Variants in ZNF704 observed in about 807,000 individuals in gnomAD.
The protein encoded by ZNF704 is zinc finger protein 704, also known as glucocorticoid induced gene 1.
A neutral mutation model predicts 44.7 loss-of-function variants in ZNF704; 10 were observed. The observed-to-expected ratio is 0.22, with a 90% CI of 0.14 to 0.38. The LOEUF (loss-of-function observed/expected upper bound fraction) is 0.38, where lower values mean the gene tolerates loss of function less well. Ranked by LOEUF, ZNF704 falls within the 10% of genes least tolerant of loss-of-function variation. The pLI is 1.00. For synonymous variants in ZNF704, 211 were observed against 207.6 expected (o/e 1.02, Z -0.14); for missense variants, 390 against 545.5 (o/e 0.71, Z 2.84).
At chr8:80,840,245 T>C (rs1309132588) in intron 1 of ZNF704, among the ~76,000 whole-genome samples, 1 of 152,216 alleles carries the variant, frequency 6.6e-6, no homozygotes, top group Non-Finnish European at 1.5e-5. Context: ...CCGCATGAGG[T>C]CCAGGATGGC....
chr8:80,670,098 T>G (rs536190018), intron 5 of ZNF704, among the ~76,000 whole-genome samples: 138 of 152,302 alleles, frequency 9.1e-4, no homozygotes, highest in African/African-American at 3.3e-3. Flanking sequence ...GTAATTTCAG[T>G]GGGTTCAAGG....
intron 2 of ZNF704, among the ~76,000 whole-genome samples, chr8:80,751,607 A>T (rs1162692201): frequency 2.6e-5 from 4 of 152,320 alleles, no homozygotes; most frequent in African/African-American, 9.6e-5. Context: ...TTTCCCAATC[A>T]ATGGAATCTA....
intron 4 of ZNF704, among the ~76,000 whole-genome samples, chr8:80,686,519 C>CT (rs959911750): frequency 2.5e-4 from 38 of 152,160 alleles, no homozygotes; most frequent in African/African-American, 8.0e-4. Context: ...GTAGATGAGA[C>CT]TACAGGTGCA....
At chr8:80,790,690 G>A (rs1807689448) in intron 2 of ZNF704, among the ~76,000 whole-genome samples, 2 of 152,104 alleles carry the variant, frequency 1.3e-5, no homozygotes, top group South Asian at 4.2e-4. Flanking sequence ...AGAGGTCCCG[G>A]GGTGAGATGG....
chr8:80,689,748 A>C lies in ZNF704; in HGVS notation c.326-2290T>G, dbSNP rs572943232. On this transcript the variant is annotated intron_variant, in intron 3 of 8. Transcript: ENST00000327835. ...TTACATGGCTTCATGTCAATGCCAA[A>C]AGTGAATTTGCTTACTGATTTGTGA... 5.9e-5 allele frequency among the ~76,000 whole-genome samples: 9 copies of C among 152,360 alleles called. No individual in the cohort carries two copies. In the East Asian group the frequency reaches 1.5e-3, roughly 26 times the overall value.
chr8:80,777,503 T>C (rs908895213), intron 2 of ZNF704, among the ~76,000 whole-genome samples: 1 of 152,196 alleles, frequency 6.6e-6, no homozygotes, highest in African/African-American at 2.4e-5. Context: ...CAATTACTAA[T>C]AGTTTGTCAC....
chr8:80,687,215 T>G lies in ZNF704; in HGVS notation c.558+11A>C. 6.2e-7 allele frequency: 1 copy of G among 1,606,196 alleles called. No individual in the cohort carries two copies. The highest frequency in any genetic ancestry group is 1.1e-5 in the South Asian group (1 of 90,482). On this transcript the variant is annotated intron_variant, in intron 4 of 8. Transcript: ENST00000327835. Reference sequence around the variant, plus strand: ...AACTGAATGCAGAAGACCGCGTGGCTGACCACCAACCTTTCTTTTCCTGGG... The same window carrying G: ...AACTGAATGCAGAAGACCGCGTGGCGGACCACCAACCTTTCTTTTCCTGGG...
chr8:80,736,276 C>T (rs1432086014), intron 2 of ZNF704, among the ~76,000 whole-genome samples: 3 of 152,068 alleles, frequency 2.0e-5, no homozygotes, highest in Non-Finnish European at 2.9e-5. Context: ...CATATTTAAA[C>T]GTTACTTTTT....
intron 1 of ZNF704, among the ~76,000 whole-genome samples, chr8:80,846,635 T>C (rs1238756753): frequency 6.6e-6 from 1 of 152,178 alleles, no homozygotes; most frequent in Admixed American, 6.5e-5. Flanking sequence ...GGTCATGTTT[T>C]TGGTTAATAA....
intron 4 of ZNF704, among the ~76,000 whole-genome samples, chr8:80,684,861 A>G (rs1481252651): frequency 6.6e-6 from 1 of 152,228 alleles, no homozygotes; most frequent in African/African-American, 2.4e-5. Flanking sequence ...AAATTTAAAA[A>G]AGAATAGCAT....
At chr8:80,798,017 C>T (rs1179328365) in intron 2 of ZNF704, among the ~76,000 whole-genome samples, 1 of 152,170 alleles carries the variant, frequency 6.6e-6, no homozygotes, top group African/African-American at 2.4e-5. Context: ...AACATTTCTT[C>T]TGCCAGATAT....
At chr8:80,723,810 C>G (rs192320756) in intron 2 of ZNF704, among the ~76,000 whole-genome samples, 11 of 152,358 alleles carry the variant, frequency 7.2e-5, no homozygotes, top group African/African-American at 2.6e-4. Flanking sequence ...CAATCTAGAA[C>G]AGCCTGTCAG....
At chr8:80,834,803 G>A (rs917498569) in intron 1 of ZNF704, among the ~76,000 whole-genome samples, 4 of 152,236 alleles carry the variant, frequency 2.6e-5, no homozygotes, top group African/African-American at 7.2e-5. Flanking sequence ...CTGTTCCTGT[G>A]TTAGTTTGCT....
chr8:80,663,578 T>C (rs1263195809), intron 6 of ZNF704, among the ~76,000 whole-genome samples: 2 of 151,916 alleles, frequency 1.3e-5, no homozygotes, highest in Admixed American at 1.3e-4. Context: ...TCTAACAAGT[T>C]CCCAGGTGAT....
intron 4 of ZNF704, among the ~76,000 whole-genome samples, chr8:80,685,234 G>C (rs909344099): frequency 6.6e-6 from 1 of 152,030 alleles, no homozygotes; most frequent in Non-Finnish European, 1.5e-5. Context: ...AAAGCCTGTA[G>C]ACCTTCCATA....
intron 7 of ZNF704, among the ~76,000 whole-genome samples, chr8:80,649,718 G>T (rs576449807): frequency 6.6e-6 from 1 of 152,342 alleles, no homozygotes; most frequent in East Asian, 1.9e-4. Flanking sequence ...GCCTGCCTCT[G>T]TAGACTCCAC....
chr8:80,653,253 T>C (rs1817952805), intron 7 of ZNF704, among the ~76,000 whole-genome samples: 1 of 152,038 alleles, frequency 6.6e-6, no homozygotes, highest in Non-Finnish European at 1.5e-5. Flanking sequence ...CTTTGAAAAC[T>C]GGCACAAGAC....
chr8:80,749,506 G>A (rs1018134612), intron 2 of ZNF704: 1 of 153,062 alleles, frequency 6.5e-6, no homozygotes. Flanking sequence ...TTTAGAGTGC[G>A]GAATCATCTA....
At chr8:80,696,488 C>G (rs1412118507) in intron 2 of ZNF704, among the ~76,000 whole-genome samples, 1 of 152,052 alleles carries the variant, frequency 6.6e-6, no homozygotes, top group Non-Finnish European at 1.5e-5. Context: ...TGTTATCTTG[C>G]CTCACTGCAA....
Sources: gnomAD v4.1 joint callset for allele counts (sites outside exome capture counted in the v4.1 genomes callset) on GRCh38, gnomAD v4.1.1 for gene constraint, MANE v1.5 for transcripts, NCBI Gene and HGNC (gene_info 2026-07-23, HGNC 2026-07-21) for gene names.